WWC1: variants seen among roughly 807,000 people sequenced by gnomAD.
The protein encoded by WWC1 is WW and C2 domain containing 1, also known as protein KIBRA.
A neutral mutation model predicts 138.4 loss-of-function variants in WWC1; 55 were observed. The ratio of observed to expected loss-of-function variants is 0.40; its 90% CI spans 0.32 to 0.50. The LOEUF (loss-of-function observed/expected upper bound fraction) is 0.50, where lower values mean the gene tolerates loss of function less well. Ranked by LOEUF, WWC1 falls within the 20% of genes least tolerant of loss-of-function variation. The probability of loss-of-function intolerance (pLI) is 0.72; values close to 1 mark genes in which losing one functional copy is unlikely to be tolerated. For missense variants in WWC1, 1,226 were observed against 1,420.4 expected, an observed-to-expected ratio of 0.86 and a Z score of 2.20; for synonymous variants, 524 against 564.9, an observed-to-expected ratio of 0.93 and a Z score of 1.03.
At chr5:168,336,571 C>CAAAAA (rs57339649) in intron 1 of WWC1, among the ~76,000 whole-genome samples, 119 of 57,462 alleles carry the variant, frequency 2.1e-3, no homozygotes, top group Non-Finnish European at 3.2e-3. Flanking sequence ...GACTCTGTCT[C>CAAAAA]AAAAAAAAAA....
chr5:168,303,468 G>T (rs1770274178), intron 1 of WWC1, among the ~76,000 whole-genome samples: 1 of 152,066 alleles, frequency 6.6e-6, no homozygotes, highest in Admixed American at 6.6e-5. Context: ...AATGAGCTGG[G>T]CATGGTGGTC....
chr5:168,412,230 C>T, intron 8 of WWC1: 1 of 978,122 alleles, frequency 1.0e-6, no homozygotes, highest in Non-Finnish European at 1.2e-6. Flanking sequence ...TTTATGCAGC[C>T]TCTTGCTTGC....
chr5:168,376,927 A>T (rs1777219647), intron 2 of WWC1, among the ~76,000 whole-genome samples: 1 of 152,222 alleles, frequency 6.6e-6, no homozygotes, highest in African/African-American at 2.4e-5. Flanking sequence ...ATTAGAAAAA[A>T]CTATTCTAAA....
intron 5 of WWC1, 121 bp downstream of exon 5, chr5:168,399,688 C>A: frequency 1.0e-6 from 1 of 972,276 alleles, no homozygotes; most frequent in Non-Finnish European, 1.6e-6. Context: ...GCTCTCTCAT[C>A]ATTCAATTCA....
intron 1 of WWC1, among the ~76,000 whole-genome samples, chr5:168,333,816 C>G (rs1773230675): frequency 1.3e-5 from 2 of 152,016 alleles, no homozygotes; most frequent in African/African-American, 4.8e-5. Context: ...CTTACCAGCC[C>G]CCTCCCACTC....
chr5:168,332,722 T>C (rs530791299), intron 1 of WWC1, among the ~76,000 whole-genome samples: 595 of 152,170 alleles, frequency 3.9e-3, no homozygotes, highest in African/African-American at 0.013. Context: ...TTTTCTTTTT[T>C]TTTTGTGACA....
rs1306201233 is a variant in WWC1 at position 168,348,478 on chromosome 5, A to G, written c.120-22946A>G. On this transcript the variant is annotated intron_variant, in intron 1 of 22. Transcript: ENST00000265293. ...CACACATCATTGTCCCTCTCCCTGA[A>G]GCATACCTCTCAAGAAGTTCCGGGG... Among the ~76,000 whole-genome samples the G allele has an allele frequency of 2.0e-5, 3 of 152,310 alleles. 1 individual carries two copies. Among genetic ancestry groups the G allele is most frequent in the Admixed American group, 6.5e-5 (1 of 15,292 alleles).
chr5:168,294,196 T>C (rs6875551), intron 1 of WWC1, among the ~76,000 whole-genome samples: 89,859 of 151,952 alleles, frequency 0.59, 27,872 homozygotes, highest in East Asian at 0.82. Flanking sequence ...AAAGGGTAAG[T>C]AAGTAGCTTC....
intron 22 of WWC1, among the ~76,000 whole-genome samples, 178 bp downstream of exon 22, chr5:168,468,142 C>A (rs1757454401): frequency 6.6e-6 from 1 of 152,264 alleles, no homozygotes; most frequent in Non-Finnish European, 1.5e-5. Flanking sequence ...CAGCGCTCTT[C>A]CCTTGGCTGT....
intron 1 of WWC1, among the ~76,000 whole-genome samples, chr5:168,363,953 A>T (rs1776090015): frequency 6.6e-6 from 1 of 152,074 alleles, no homozygotes; most frequent in Non-Finnish European, 1.5e-5. Flanking sequence ...GGTGGTGATG[A>T]TAGCTCACGT....
At chr5:168,371,560 C>G in intron 2 of WWC1, 27 bp downstream of exon 2, 1 of 1,562,548 alleles carries the variant, frequency 6.4e-7, no homozygotes, top group South Asian at 1.1e-5. Flanking sequence ...CCTCCCTTCC[C>G]TGTGCCCTCT....
chr5:168,302,275 C>T (rs922797786), intron 1 of WWC1, among the ~76,000 whole-genome samples: 2 of 152,142 alleles, frequency 1.3e-5, no homozygotes, highest in Admixed American at 6.5e-5. Flanking sequence ...CACGTCCCAC[C>T]CAGCGGGGGG....
chr5:168,403,550 G>A (rs1036504695), intron 5 of WWC1, among the ~76,000 whole-genome samples: 1 of 152,160 alleles, frequency 6.6e-6, no homozygotes, highest in African/African-American at 2.4e-5. Context: ...GGAGAGAAAA[G>A]GTTGATGAGG....
intron 15 of WWC1, among the ~76,000 whole-genome samples, chr5:168,440,744 C>G (rs890538700): frequency 6.6e-6 from 1 of 152,038 alleles, no homozygotes; most frequent in Non-Finnish European, 1.5e-5. Context: ...CTCGATCTCC[C>G]GACCTCAGAT....
intron 1 of WWC1, among the ~76,000 whole-genome samples, chr5:168,368,433 G>A (rs753402189): frequency 2.6e-4 from 40 of 152,294 alleles, no homozygotes; most frequent in African/African-American, 8.7e-4. Context: ...TGATCTATAC[G>A]CAGAAACAGG....
intron 16 of WWC1, among the ~76,000 whole-genome samples, chr5:168,444,176 G>A (rs1056574014): frequency 1.3e-5 from 2 of 152,148 alleles, no homozygotes; most frequent in Non-Finnish European, 2.9e-5. Flanking sequence ...TCACACATTG[G>A]TCTGATGACA....
At chr5:168,361,185 T>C (rs999230077) in intron 1 of WWC1, among the ~76,000 whole-genome samples, 1 of 152,100 alleles carries the variant, frequency 6.6e-6, no homozygotes, top group Non-Finnish European at 1.5e-5. Flanking sequence ...TGGACTGAGA[T>C]TACACAGCTA....
chr5:168,394,615 A>T (rs1035129425), intron 3 of WWC1, among the ~76,000 whole-genome samples: 1 of 152,114 alleles, frequency 6.6e-6, no homozygotes, highest in Non-Finnish European at 1.5e-5. Flanking sequence ...AATCCCAGCT[A>T]CTCGGGAGGC....
At chr5:168,428,942 T>C (rs1781730382) in intron 13 of WWC1, among the ~76,000 whole-genome samples, 155 bp downstream of exon 13, 1 of 152,134 alleles carries the variant, frequency 6.6e-6, no homozygotes, top group South Asian at 2.1e-4. Flanking sequence ...ACTGAAGGGA[T>C]GCTGATTCGT....
Sources: gnomAD v4.1 joint callset for allele counts (sites outside exome capture counted in the v4.1 genomes callset) on GRCh38, gnomAD v4.1.1 for gene constraint, MANE v1.5 for transcripts, NCBI Gene and HGNC (gene_info 2026-07-23, HGNC 2026-07-21) for gene names.